The following KAT6B variants were observed in gnomAD, a reference collection of about 807,000 sequenced individuals.
KAT6B encodes the protein histone acetyltransferase KAT6B.
A neutral mutation model predicts 187.5 loss-of-function variants in KAT6B; 10 were observed. That is an observed-to-expected ratio of 0.05 (90% CI 0.03 to 0.09). The LOEUF is 0.09. KAT6B is among the 10% of genes least tolerant of loss of function. The pLI, the probability that KAT6B is intolerant of heterozygous loss-of-function variation, is 1.00. For missense variants in KAT6B, 1,952 were observed against 2,558.9 expected, an observed-to-expected ratio of 0.76 and a Z score of 5.12; for synonymous variants, 861 against 926.8, an observed-to-expected ratio of 0.93 and a Z score of 1.29.
At chr10:74,830,769 T>TATATGTATATATATATATATA (rs58702000) in intron 1 of KAT6B, among the ~76,000 whole-genome samples, 3 of 7,738 alleles carry the variant, frequency 3.9e-4, no homozygotes, top group African/African-American at 1.1e-3. Flanking sequence ...TATATATATA[T>TATATGTATATATATATATATA]TTTTTTTTTT....
At chr10:74,895,674 G>A (rs1430211875) in intron 3 of KAT6B, among the ~76,000 whole-genome samples, 1 of 152,026 alleles carries the variant, frequency 6.6e-6, no homozygotes, top group Non-Finnish European at 1.5e-5. Context: ...TGCGTAGCTG[G>A]GACTACAGGT....
At chr10:74,940,910 C>T (rs1395181737) in intron 3 of KAT6B, among the ~76,000 whole-genome samples, 6 of 152,148 alleles carry the variant, frequency 3.9e-5, no homozygotes, top group Admixed American at 3.9e-4. Context: ...TCTGATGATT[C>T]AGAGCTGTGA....
At position 75,031,174 on chromosome 10, in the gene KAT6B, AT is replaced by A; in HGVS notation, c.*131del. ...GCAAAAACATTTGTTGGCACCATTT[AT>A]TTAAAAAAAAAAAAAGCTGTATGCA... On this transcript the variant is annotated 3_prime_UTR_variant, in exon 18 of 18. Transcript: ENST00000287239. The A allele has an allele frequency of 5.7e-5, 59 of 1,031,940 alleles. No homozygotes were observed. The East Asian group carries it at 1.4e-3, about 24-fold the overall frequency. 63.9% of individuals were successfully genotyped at this position (1,031,940 alleles called of 1,614,324 possible). A position where few individuals can be genotyped will look rare whatever the true frequency, so the allele number is the denominator to read the frequency against.
intron 6 of KAT6B, among the ~76,000 whole-genome samples, chr10:74,972,082 G>A (rs1841882339): frequency 1.3e-5 from 2 of 151,954 alleles, no homozygotes; most frequent in African/African-American, 4.8e-5. Flanking sequence ...ATTTTATACT[G>A]ATAATTTTTT....
Position 74,826,801 on chromosome 10 carries a change from C to G in KAT6B, c.-329+16C>G, listed in dbSNP as rs1169773526. 4.0e-5 allele frequency: 6 copies of G among 151,308 alleles called. No homozygotes were observed. Among genetic ancestry groups the G allele is most frequent in the South Asian group, 2.0e-4 (1 of 4,902 alleles). 9.4% of individuals were successfully genotyped at this position (151,308 alleles called of 1,614,324 possible). A position where few individuals can be genotyped will look rare whatever the true frequency, so the allele number is the denominator to read the frequency against. ...GCGCAGCCAGGTCTGTCACCCACCC[C>G]GCGCGTTCCCAGGGGGAGGAGACTG... On this transcript the variant is annotated intron_variant, in intron 1 of 17. Transcript: ENST00000287239.
At chr10:74,926,595 C>G (rs1196133475) in intron 3 of KAT6B, among the ~76,000 whole-genome samples, 1 of 152,242 alleles carries the variant, frequency 6.6e-6, no homozygotes, top group Non-Finnish European at 1.5e-5. Flanking sequence ...TGCCTCTGCA[C>G]ATGTTGGGCA....
At chr10:74,972,781 A>G in intron 7 of KAT6B, 142 bp downstream of exon 7, 1 of 806,468 alleles carries the variant, frequency 1.2e-6, no homozygotes, top group Non-Finnish European at 2.0e-6. Context: ...CCTTTTGCAT[A>G]AGCTGTGGAA....
At chr10:74,891,728 G>A (rs566023295) in intron 3 of KAT6B, among the ~76,000 whole-genome samples, 16 of 152,316 alleles carry the variant, frequency 1.1e-4, no homozygotes, top group Non-Finnish European at 2.2e-4. Flanking sequence ...GATTGTGGTA[G>A]TGATCAGAGC....
intron 3 of KAT6B, among the ~76,000 whole-genome samples, chr10:74,859,308 C>T (rs1843011656): frequency 6.6e-6 from 1 of 151,854 alleles, no homozygotes; most frequent in Admixed American, 6.6e-5. Flanking sequence ...TGGTTTTGAA[C>T]CCCTGGCCTC....
At position 75,024,994 on chromosome 10, in the gene KAT6B, C is replaced by T. The variant is rs373696238; in HGVS notation, c.3409C>T (p.Arg1137Cys). Reference sequence around the variant, plus strand: ...ACTAAAGAAGAAAAGGGGTCGTAAACGCAGGAGGATCAACAGCAGTGTAAC... The same window carrying T: ...ACTAAAGAAGAAAAGGGGTCGTAAATGCAGGAGGATCAACAGCAGTGTAAC... ...FVLKKKRGRK[R>C]RRINSSVTTE... The change falls in exon 17 of 18, where the codon CGC (arginine) becomes TGC (cysteine). Residue 1137 changes from arginine to cysteine, a missense_variant. Transcript: ENST00000287239. 4.3e-6 allele frequency: 7 copies of T among 1,614,126 alleles called. No individual in the cohort carries two copies. The highest frequency in any genetic ancestry group is 1.1e-5 in the South Asian group (1 of 91,082).
intron 3 of KAT6B, among the ~76,000 whole-genome samples, chr10:74,939,203 T>C (rs938513440): frequency 2.0e-5 from 3 of 152,168 alleles, no homozygotes; most frequent in African/African-American, 7.2e-5. Context: ...GCCTGTTTGG[T>C]AGTGCTTCTA....
intron 3 of KAT6B, among the ~76,000 whole-genome samples, chr10:74,858,536 C>A (rs1842962114): frequency 6.6e-6 from 1 of 152,066 alleles, no homozygotes; most frequent in Non-Finnish European, 1.5e-5. Context: ...CCTTGGCCTC[C>A]CAAAGTTCTG....
At chr10:74,868,053 A>G (rs1005740895) in intron 3 of KAT6B, among the ~76,000 whole-genome samples, 2 of 152,228 alleles carry the variant, frequency 1.3e-5, no homozygotes, top group Non-Finnish European at 2.9e-5. Context: ...TGTCAGAAAC[A>G]TTCTACTTTT....
chr10:74,923,267 T>C (rs1345920828), intron 3 of KAT6B, among the ~76,000 whole-genome samples: 2 of 152,166 alleles, frequency 1.3e-5, no homozygotes, highest in African/African-American at 4.8e-5. Context: ...TTCATTCATT[T>C]ATTTATTCAT....
In KAT6B at chr10:75,028,687, C is replaced by A; in HGVS notation, c.3863C>A (p.Thr1288Lys). Residue 1288 changes from threonine to lysine, a missense_variant, in exon 18 of 18, where the codon ACA becomes AAA. Thr to Lys is a moderately conservative substitution (Grantham distance 78). Coordinates refer to ENST00000287239, the MANE Select transcript of KAT6B (RefSeq NM_012330.4). Reference protein sequence around the residue: ...ETPMEPDEQVTVEEQKETSEG... With the variant: ...ETPMEPDEQVKVEEQKETSEG... ...CCCATGGAGCCTGACGAGCAGGTAA[C>A]AGTGGAAGAACAGAAGGAGACTTCA... The A allele has an allele frequency of 6.2e-7, 1 of 1,614,030 alleles. No homozygotes were observed. The highest frequency in any genetic ancestry group is 8.5e-7 in the Non-Finnish European group (1 of 1,180,024).
At chr10:75,006,629 C>G (rs577866544) in intron 13 of KAT6B, among the ~76,000 whole-genome samples, 1 of 152,152 alleles carries the variant, frequency 6.6e-6, no homozygotes, top group Non-Finnish European at 1.5e-5. Flanking sequence ...TTTTCATTTT[C>G]TGTAGTCTCT....
chr10:74,834,335 C>T (rs1176982279), intron 1 of KAT6B, among the ~76,000 whole-genome samples: 3 of 151,684 alleles, frequency 2.0e-5, no homozygotes, highest in Admixed American at 1.3e-4. Flanking sequence ...GTAGCTGGGA[C>T]CACAGGCATG....
chr10:74,880,422 A>C (rs1421685055), intron 3 of KAT6B, among the ~76,000 whole-genome samples: 2 of 152,204 alleles, frequency 1.3e-5, no homozygotes, highest in Non-Finnish European at 2.9e-5. Flanking sequence ...ATTCTTTATA[A>C]CTGCCAAATA....
chr10:74,950,995 A>C (rs185855926), intron 3 of KAT6B, among the ~76,000 whole-genome samples: 1 of 152,296 alleles, frequency 6.6e-6, no homozygotes, highest in Admixed American at 6.5e-5. Context: ...TTGTCTCAAA[A>C]TAAATTGAAT....
Sources: allele counts gnomAD v4.1 joint callset (sites outside exome capture counted in the v4.1 genomes callset), GRCh38; gene constraint gnomAD v4.1.1; transcripts MANE v1.5; gene names NCBI Gene and HGNC (gene_info 2026-07-23, HGNC 2026-07-21).